The following FBXW11 variants were observed in gnomAD, a reference collection of about 807,000 sequenced individuals.
FBXW11 encodes F-box/WD repeat-containing protein 11.
In FBXW11, 19 loss-of-function variants were observed where a neutral mutation model predicts 77.6. That is an observed-to-expected ratio of 0.24 (90% CI 0.17 to 0.36). The LOEUF (loss-of-function observed/expected upper bound fraction) is 0.36, where lower values mean the gene tolerates loss of function less well. Among genes scored for constraint, FBXW11 ranks in the 10% least tolerant of loss-of-function variants. The pLI, the probability that FBXW11 is intolerant of heterozygous loss-of-function variation, is 1.00. For synonymous variants in FBXW11, 235 were observed against 249.4 expected (o/e 0.94, Z 0.54); for missense variants, 334 against 704.2 (o/e 0.47, Z 5.95).
chr5:172,006,385 G>A (rs1284546139), intron 1 of FBXW11, 73 bp downstream of exon 1: 23 of 1,356,254 alleles, frequency 1.7e-5, no homozygotes, highest in Non-Finnish European at 2.0e-5. Flanking sequence ...GCCTCGCACC[G>A]GACGTTGAGG....
chr5:171,872,803 G>T, intron 10 of FBXW11, 69 bp downstream of exon 10: 1 of 1,100,324 alleles, frequency 9.1e-7, no homozygotes, highest in Non-Finnish European at 1.4e-6. Flanking sequence ...TTGAGCATTA[G>T]AACTAGGAGA....
intron 13 of FBXW11, among the ~76,000 whole-genome samples, chr5:171,866,969 G>A (rs1757441096): frequency 6.6e-6 from 1 of 152,160 alleles, no homozygotes; most frequent in South Asian, 2.1e-4. Context: ...TAGCAAATAG[G>A]TAAGTGGCTT....
chr5:171,876,389 C>T lies in FBXW11; in HGVS notation c.1117G>A (p.Asp373Asn), dbSNP rs1758084262. 6.2e-7 allele frequency: 1 copy of T among 1,614,024 alleles called. No homozygotes were observed. The highest frequency in any genetic ancestry group is 8.5e-7 in the Non-Finnish European group (1 of 1,179,968). The change falls in exon 9 of 14, where the codon GAC becomes AAC. Residue 373 changes from aspartate (D) to asparagine (N), a missense_variant. Coordinates refer to ENST00000517395, the MANE Select transcript of FBXW11 (RefSeq NM_001378974.1). The surrounding 1 kb of genome is among the most constrained non-coding windows in gnomAD (Gnocchi z 4.2). The part of the protein sequence containing the change: ...IAVWDMASAT[D>N]ITLRRVLVGH... ...ACCAGGACACGGCGTAAAGTGATGTCGGTCGCAGAAGCCATGTCCCACACA... is the reference window on the plus strand; with the variant it reads ...ACCAGGACACGGCGTAAAGTGATGTTGGTCGCAGAAGCCATGTCCCACACA...
intron 4 of FBXW11, among the ~76,000 whole-genome samples, chr5:171,907,050 A>C (rs957015519): frequency 3.3e-5 from 5 of 152,240 alleles, no homozygotes; most frequent in African/African-American, 1.2e-4. Context: ...TCCCTACTTT[A>C]CATGGTATGA....
chr5:171,969,919 G>A (rs1017851484), intron 1 of FBXW11, among the ~76,000 whole-genome samples: 2 of 152,136 alleles, frequency 1.3e-5, no homozygotes, highest in Non-Finnish European at 2.9e-5. Context: ...TGGCCAGGCT[G>A]GTCTCAAACT....
At chr5:171,978,007 T>C (rs1421911696) in intron 1 of FBXW11, among the ~76,000 whole-genome samples, 1 of 152,104 alleles carries the variant, frequency 6.6e-6, no homozygotes, top group Non-Finnish European at 1.5e-5. Context: ...TAAGGGTACC[T>C]AGGGGACCCA....
rs925568611 is a variant in FBXW11, at chr5:171,861,646, A to G, written c.*2481T>C. ...AGATTAGGTGCACTGCATAATACCC[A>G]TACTCGATTTATTGACATTACTTAG... is the stretch of plus-strand genomic sequence containing the variant. On this transcript the variant is annotated 3_prime_UTR_variant, in exon 14 of 14. Transcript: ENST00000517395. 1.3e-5 allele frequency: 2 copies of G among 152,652 alleles called. No homozygotes were observed. Among genetic ancestry groups the G allele is most frequent in the Non-Finnish European group, 2.9e-5 (2 of 68,048 alleles). The allele number at this position is 152,652 out of a possible 1,614,324, so 9.5% of individuals were successfully genotyped here. A position where few individuals can be genotyped will look rare whatever the true frequency, so the allele number is the denominator to read the frequency against.
intron 1 of FBXW11, among the ~76,000 whole-genome samples, chr5:171,960,942 A>C (rs1763874991): frequency 6.6e-6 from 1 of 152,216 alleles, no homozygotes; most frequent in African/African-American, 2.4e-5. Flanking sequence ...CAGATTTCCA[A>C]GATTTTCTCT....
chr5:171,861,643 C>T lies in FBXW11; in HGVS notation c.*2484G>A, dbSNP rs1225138734. ...GCCAGATTAGGTGCACTGCATAATACCCATACTCGATTTATTGACATTACT... is the reference window on the plus strand; with the variant it reads ...GCCAGATTAGGTGCACTGCATAATATCCATACTCGATTTATTGACATTACT... On this transcript the variant is annotated 3_prime_UTR_variant, in exon 14 of 14. Coordinates refer to ENST00000517395, the MANE Select transcript of FBXW11 (RefSeq NM_001378974.1). 1 of 152,570 alleles carries T rather than the reference C, an allele frequency of 6.6e-6. No homozygotes were observed. The highest frequency in any genetic ancestry group is 6.5e-5 in the Admixed American group (1 of 15,280). 9.5% of individuals were successfully genotyped at this position (152,570 alleles called of 1,614,324 possible).
At chr5:171,891,672 G>C in intron 6 of FBXW11, 68 bp from the exon 7 acceptor site, 2 of 1,512,058 alleles carry the variant, frequency 1.3e-6, no homozygotes, top group Non-Finnish European at 1.8e-6. Context: ...TTCAGACTTT[G>C]GCGTTGCTTC....
chr5:171,927,592 T>C (rs528115984), intron 2 of FBXW11, among the ~76,000 whole-genome samples: 1 of 152,322 alleles, frequency 6.6e-6, no homozygotes, highest in African/African-American at 2.4e-5. Flanking sequence ...GACTGAAAAC[T>C]GCATATATGT....
At chr5:171,872,131 A>C (rs939641217) in intron 10 of FBXW11, among the ~76,000 whole-genome samples, 1 of 152,236 alleles carries the variant, frequency 6.6e-6, no homozygotes, top group African/African-American at 2.4e-5. Context: ...CTTTATTTTG[A>C]CCAAACATTA....
chr5:171,907,225 A>G (rs1448625007), intron 4 of FBXW11, among the ~76,000 whole-genome samples: 1 of 152,226 alleles, frequency 6.6e-6, no homozygotes, highest in African/African-American at 2.4e-5. Flanking sequence ...CATTTTCCCT[A>G]TACTGACAGG....
chr5:171,933,292 T>C (rs1762313483), intron 2 of FBXW11, among the ~76,000 whole-genome samples: 1 of 152,132 alleles, frequency 6.6e-6, no homozygotes. Flanking sequence ...GTGATCCAAC[T>C]AGATGACATT....
chr5:171,980,942 G>A (rs1011254969), intron 1 of FBXW11, among the ~76,000 whole-genome samples: 3 of 152,246 alleles, frequency 2.0e-5, no homozygotes, highest in South Asian at 2.1e-4. Context: ...CCATACTAGA[G>A]TTTATGCTAA....
chr5:171,878,611 T>A lies in FBXW11; in HGVS notation c.853-482A>T, dbSNP rs1190981194. On this transcript the variant is annotated intron_variant, in intron 7 of 13. Transcript: ENST00000517395. ...GTGTGTAAGAGAGAGAGAGTGTGTG[T>A]GTGTGTGTGTGTGTGTGTGTGTTTT... Among the ~76,000 whole-genome samples the A allele has an allele frequency of 1.4e-3, 195 of 143,978 alleles. 1 individual carries two copies. Among genetic ancestry groups the A allele is most frequent in the African/African-American group, 5.0e-3 (181 of 36,540 alleles). The allele number at this position is 143,978 out of a possible 152,430, so 94.5% of individuals were successfully genotyped here.
intron 1 of FBXW11, among the ~76,000 whole-genome samples, chr5:171,990,521 A>G (rs922088756): frequency 6.6e-6 from 1 of 152,206 alleles, no homozygotes; most frequent in African/African-American, 2.4e-5. Flanking sequence ...CCATATGCAC[A>G]GTTCTTCTTT....
intron 1 of FBXW11, among the ~76,000 whole-genome samples, chr5:171,989,268 G>A (rs1005504981): frequency 1.3e-5 from 2 of 152,246 alleles, no homozygotes; most frequent in African/African-American, 4.8e-5. Flanking sequence ...GTGAAAGGCT[G>A]TAATGAAACA....
chr5:172,002,185 T>C (rs1766447354), intron 1 of FBXW11, among the ~76,000 whole-genome samples: 1 of 152,196 alleles, frequency 6.6e-6, no homozygotes, highest in Non-Finnish European at 1.5e-5. Context: ...TATGTGCTGT[T>C]GTGAATCTAT....
Sources: allele counts gnomAD v4.1 joint callset (sites outside exome capture counted in the v4.1 genomes callset), GRCh38; gene constraint gnomAD v4.1.1; non-coding constraint Gnocchi (gnomAD v3.1); transcripts MANE v1.5; gene names NCBI Gene and HGNC (gene_info 2026-07-23, HGNC 2026-07-21).